Variants in TSC1 observed in about 807,000 individuals in gnomAD.
TSC1 encodes the protein TSC complex subunit 1.
Under a neutral mutation model 124.3 loss-of-function variants are expected in TSC1, and 20 were observed. The observed-to-expected ratio is 0.16, with a 90% CI of 0.11 to 0.23. The LOEUF is 0.23. Among genes scored for constraint, TSC1 ranks in the 10% least tolerant of loss-of-function variants. TSC1 has a pLI of 1.00. For synonymous variants in TSC1, 493 were observed against 539.1 expected (o/e 0.91, Z 1.19); for missense variants, 1,124 against 1,448.5 (o/e 0.78, Z 3.64).
Position 132,910,657 on chromosome 9 carries a change from T to A in TSC1, c.1177A>T (p.Thr393Ser), listed in dbSNP as rs1845904791. The A allele has an allele frequency of 2.5e-6, 4 of 1,613,878 alleles. No homozygotes were observed. The highest frequency in any genetic ancestry group is 3.4e-6 in the Non-Finnish European group (4 of 1,179,982). Residue 393 changes from threonine to serine, a missense_variant, in exon 12 of 23, where the codon ACC becomes TCC. Transcript: ENST00000298552. ...GKGTPLGTPA[T>S]SPPPAPLCHS... ...CAGAGTGGGGCTGGAGGAGGAGAGG[T>A]TGCTGGGGTTCCCAGAGGAGTTCCT...
upstream of TSC1, chr9:132,944,692 C>T (rs1054167457): frequency 2.5e-6 from 1 of 398,702 alleles, no homozygotes; most frequent in Non-Finnish European, 4.4e-6. Flanking sequence ...TCCGGACCTC[C>T]CCTCCTTCTC....
At chr9:132,927,684 G>C (rs190209207) in intron 3 of TSC1, among the ~76,000 whole-genome samples, 2 of 151,816 alleles carry the variant, frequency 1.3e-5, no homozygotes, top group Non-Finnish European at 2.9e-5. Context: ...CTGCCACCAC[G>C]CCTGGCTAAT....
In TSC1 at chr9:132,892,086, T is replaced by C. The variant is rs568131325; in HGVS notation, c.*4149A>G. ...CTTCCAGGCAGGCTTCCCTTGTAGC[T>C]ACAGCTACTCTTCCCTCAGGCGAGC... On this transcript the variant is annotated 3_prime_UTR_variant, in exon 23 of 23. Coordinates refer to ENST00000298552, the MANE Select transcript of TSC1 (RefSeq NM_000368.5). 4.7e-4 allele frequency: 110 copies of C among 233,148 alleles called. No homozygotes were observed. The highest frequency in any genetic ancestry group is 2.0e-3 in the African/African-American group (93 of 45,466). The allele number at this position is 233,148 out of a possible 1,614,324, so 14.4% of individuals were successfully genotyped here.
intron 1 of TSC1, among the ~76,000 whole-genome samples, chr9:132,937,045 A>G (rs1847488938): frequency 6.6e-6 from 1 of 152,246 alleles, no homozygotes; most frequent in Non-Finnish European, 1.5e-5. Context: ...GCCTGTGAAC[A>G]GTGCTGCAGG....
At chr9:132,944,686 G>A, upstream of TSC1, 1 of 398,804 alleles carries the variant, frequency 2.5e-6, no homozygotes, top group South Asian at 1.3e-4. Context: ...TCCCCCTCCG[G>A]ACCTCCCCTC....
At chr9:132,929,167 A>G (rs1227179613) in intron 2 of TSC1, among the ~76,000 whole-genome samples, 5 of 152,272 alleles carry the variant, frequency 3.3e-5, no homozygotes, top group African/African-American at 1.2e-4. Context: ...TCTACAAAAT[A>G]TAACAATCAG....
rs369388361 is a variant in TSC1 at position 132,921,309 on chromosome 9, C to T, written c.737+54G>A. 3.8e-6 allele frequency: 6 copies of T among 1,575,680 alleles called. No individual in the cohort carries two copies. The highest frequency in any genetic ancestry group is 5.2e-6 in the Non-Finnish European group (6 of 1,146,138). ...CCTCAACAGGGATTACCTCCTAGAT[C>T]ACATTTTCAATCTCTCGAAAGATTC... On this transcript the variant is annotated intron_variant, in intron 8 of 22. Coordinates refer to ENST00000298552, the MANE Select transcript of TSC1 (RefSeq NM_000368.5). The surrounding 1 kb of genome is among the most constrained non-coding windows in gnomAD (Gnocchi z 4.3).
Position 132,896,218 on chromosome 9 carries a change from T to C in TSC1, c.*17A>G, listed in dbSNP as rs1845021229. The C allele has an allele frequency of 1.9e-6, 3 of 1,614,044 alleles. No individual in the cohort carries two copies. Among genetic ancestry groups the C allele is most frequent in the South Asian group, 2.2e-5 (2 of 91,092 alleles). On this transcript the variant is annotated 3_prime_UTR_variant, in exon 23 of 23. Transcript: ENST00000298552. This position sits in a 1 kb window ranked among gnomAD's most constrained non-coding sequence, Gnocchi z 4.5. ...GTGCCAACAATATGCAAGTTAACAC[T>C]GATTGACCATCATTCCTTAGCTGTG...
Position 132,911,593 on chromosome 9 carries a change from G to C in TSC1, c.914-25C>G, listed in dbSNP as rs772928050. ...CCTAAAATGGAAGAGAAGAACACAG[G>C]GGGTTAGTGTGTGGTTTTAGGTTAT... On this transcript the variant is annotated intron_variant, in intron 9 of 22. Transcript: ENST00000298552. 18 of 1,011,856 alleles carry C rather than the reference G, an allele frequency of 1.8e-5. No homozygotes were observed. The South Asian group carries it at 2.3e-4, about 13-fold the overall frequency. 62.7% of individuals were successfully genotyped at this position (1,011,856 alleles called of 1,614,324 possible).
At chr9:132,944,490 G>A in intron 1 of TSC1, 53 bp downstream of exon 1, 1 of 398,354 alleles carries the variant, frequency 2.5e-6, no homozygotes, top group Non-Finnish European at 4.4e-6. Flanking sequence ...ATGGTGCCGG[G>A]GCTGCCCCAG....
Position 132,907,177 on chromosome 9 carries a change from T to C in TSC1, c.1333+124A>G, listed in dbSNP as rs965473882. 12 of 806,516 alleles carry C rather than the reference T, an allele frequency of 1.5e-5. No individual in the cohort carries two copies. The Admixed American group carries it at 1.6e-4, about 11-fold the overall frequency. The allele number at this position is 806,516 out of a possible 1,614,324, so 50.0% of individuals were successfully genotyped here. A position where few individuals can be genotyped will look rare whatever the true frequency, so the allele number is the denominator to read the frequency against. On this transcript the variant is annotated intron_variant, in intron 13 of 22. Transcript: ENST00000298552. ...TTAGAATTCACTACTCGTTTCATTATGTTTAGGCCTCAGTATTTTGGATAT... is the reference window on the plus strand; with the variant it reads ...TTAGAATTCACTACTCGTTTCATTACGTTTAGGCCTCAGTATTTTGGATAT...
In TSC1 at chr9:132,928,884, A is replaced by G. The variant is rs755999334; in HGVS notation, c.-12T>C. ...GCTTGTTGGGCCATTCTCTCGCTCG[A>G]AGGCGCTGTGCTGGCTCCAGGACGT... On this transcript the variant is annotated 5_prime_UTR_variant, in exon 3 of 23. Coordinates refer to ENST00000298552, the MANE Select transcript of TSC1 (RefSeq NM_000368.5). 6 of 1,614,014 alleles carry G rather than the reference A, an allele frequency of 3.7e-6. No individual in the cohort carries two copies. Among genetic ancestry groups the G allele is most frequent in the Non-Finnish European group, 3.4e-6 (4 of 1,179,990 alleles).
Position 132,901,698 on chromosome 9 carries a change from G to C in TSC1, c.2393C>G (p.Thr798Arg), listed in dbSNP as rs1331635112. 6.2e-7 allele frequency: 1 copy of C among 1,613,692 alleles called. No individual in the cohort carries two copies. The change falls in exon 19 of 23, where the codon ACG becomes AGG. Residue 798 changes from threonine to arginine, a missense_variant and splice_region_variant. Coordinates refer to ENST00000298552, the MANE Select transcript of TSC1 (RefSeq NM_000368.5). Reference protein sequence around the residue: ...EFYNQSQELQTKLEDCRNMIA... With the variant: ...EFYNQSQELQRKLEDCRNMIA... ...CATGTTCCTGCAGTCCTCCAGCTTC[G>C]TCTGCCCAAAGAGACGTGGACATGA... is the stretch of plus-strand genomic sequence containing the variant.
In TSC1 at chr9:132,910,301, C is replaced by CAAAA. The variant is rs10712193; in HGVS notation, c.1263+266_1263+269dup. ...GGGCGACAGAGCAAGACCCTGTCTCCAAAAAAAAAAAAAAAAAAAAAATCA... is the reference window on the plus strand; with the variant it reads ...GGGCGACAGAGCAAGACCCTGTCTCCAAAAAAAAAAAAAAAAAAAAAAAAAATCA... On this transcript the variant is annotated intron_variant, in intron 12 of 22. Coordinates refer to ENST00000298552, the MANE Select transcript of TSC1 (RefSeq NM_000368.5). 8.5e-4 allele frequency: 407 copies of CAAAA among 479,066 alleles called. 1 individual carries two copies. In the African/African-American group the frequency reaches 0.011, roughly 13 times the overall value. The allele number at this position is 479,066 out of a possible 1,614,324, so 29.7% of individuals were successfully genotyped here. A position where few individuals can be genotyped will look rare whatever the true frequency, so the allele number is the denominator to read the frequency against.
In TSC1 at chr9:132,896,394, G is replaced by T. The variant is rs761334590; in HGVS notation, c.3336C>A (p.Ser1112Arg). ...SQCDEDGMTSSLSESLKTELG... is the reference protein window; with the variant it reads ...SQCDEDGMTSRLSESLKTELG... The stretch of plus-strand genomic sequence containing the variant: ...GTTCTGTCTTTAGGCTCTCAGAAAG[G>T]CTACTGGTCATGCCGTCCTCATCAC... Residue 1112 changes from serine (S) to arginine (R), a missense_variant, in exon 23 of 23, where the codon AGC becomes AGA. Around this residue, in one of 5 missense-constraint regions of TSC1, gnomAD observed 325 missense variants for 383.4 expected, o/e 0.85. Coordinates refer to ENST00000298552, the MANE Select transcript of TSC1 (RefSeq NM_000368.5). The surrounding 1 kb of genome is among the most constrained non-coding windows in gnomAD (Gnocchi z 4.5). The T allele has an allele frequency of 6.2e-7, 1 of 1,614,160 alleles. No individual in the cohort carries two copies. Among genetic ancestry groups the T allele is most frequent in the Non-Finnish European group, 8.5e-7 (1 of 1,180,036 alleles).
chr9:132,931,089 T>C (rs986830224), intron 2 of TSC1: 3 of 152,208 alleles, frequency 2.0e-5, no homozygotes, highest in African/African-American at 7.2e-5. Context: ...AACCCCCACA[T>C]TGATTTCTGC....
intron 8 of TSC1, among the ~76,000 whole-genome samples, chr9:132,914,116 T>C (rs1353631347): frequency 6.6e-6 from 1 of 151,788 alleles, no homozygotes; most frequent in African/African-American, 2.4e-5. Context: ...GCCAGGCTGG[T>C]CTTGAACTCC....
At chr9:132,904,611 G>A (rs1845560008) in intron 15 of TSC1, among the ~76,000 whole-genome samples, 157 bp from the exon 16 acceptor site, 1 of 147,866 alleles carries the variant, frequency 6.8e-6, no homozygotes, top group Admixed American at 6.6e-5. Context: ...AGAGTTAGAG[G>A]AGAAGCCTAC....
At chr9:132,943,113 T>A (rs571060677) in intron 1 of TSC1, among the ~76,000 whole-genome samples, 2 of 152,320 alleles carry the variant, frequency 1.3e-5, no homozygotes, top group South Asian at 4.1e-4. Context: ...TGAATTCAGA[T>A]GACTCCAAGT....
Sources: allele counts gnomAD v4.1 joint callset (sites outside exome capture counted in the v4.1 genomes callset), GRCh38; gene constraint gnomAD v4.1.1; regional missense constraint gnomAD v4.1.1; non-coding constraint Gnocchi (gnomAD v3.1); transcripts MANE v1.5; gene names NCBI Gene and HGNC (gene_info 2026-07-23, HGNC 2026-07-21).